CAMK2A: variants seen among roughly 807,000 people sequenced by gnomAD.
CAMK2A encodes the protein calcium/calmodulin dependent protein kinase II alpha, also known as calcium/calmodulin-dependent protein kinase type II subunit alpha.
A neutral mutation model predicts 79.2 loss-of-function variants in CAMK2A; 7 were observed. The observed-to-expected ratio is 0.09, with a 90% CI of 0.05 to 0.17. CAMK2A has a LOEUF of 0.17. Ranked by LOEUF, CAMK2A falls within the 10% of genes least tolerant of loss-of-function variation. The pLI, the probability that CAMK2A is intolerant of heterozygous loss-of-function variation, is 1.00. For synonymous variants in CAMK2A, 242 were observed against 251.7 expected (o/e 0.96, Z 0.36); for missense variants, 214 against 646.4 (o/e 0.33, Z 7.25).
At chr5:150,230,708 C>T (rs1754802383) in intron 16 of CAMK2A, among the ~76,000 whole-genome samples, 2 of 152,366 alleles carry the variant, frequency 1.3e-5, no homozygotes, top group Non-Finnish European at 2.9e-5. Context: ...GCACACACAG[C>T]TGCCCCTCCA....
At chr5:150,234,949 T>A (rs1464389753) in intron 15 of CAMK2A, among the ~76,000 whole-genome samples, 1 of 152,190 alleles carries the variant, frequency 6.6e-6, no homozygotes, top group Non-Finnish European at 1.5e-5. Context: ...CTATGCCTAG[T>A]CTTCTCTTCT....
At chr5:150,222,862 G>A (rs57752704) in intron 18 of CAMK2A, 127 bp downstream of exon 18, 82,069 of 1,381,028 alleles carry the variant, frequency 0.059, 3,309 homozygotes, top group Middle Eastern at 0.15. Context: ...CCCCCTTCTT[G>A]GGGTCTCCCC....
rs201458165 is a variant in CAMK2A, at chr5:150,251,891, A to C, written c.599-47T>G. On this transcript the variant is annotated intron_variant, in intron 8 of 18. Transcript: ENST00000671881. Reference sequence around the variant, plus strand: ...CTTCAACCCCCTGTGGGGAGGAGACATGGGGGGAGGGGAGTGATGGGAAAG... The same window carrying C: ...CTTCAACCCCCTGTGGGGAGGAGACCTGGGGGGAGGGGAGTGATGGGAAAG... The C allele has an allele frequency of 4.0e-5, 62 of 1,545,032 alleles. No individual in the cohort carries two copies. In the African/African-American group the frequency reaches 7.6e-4, roughly 19 times the overall value.
rs1286780677 is a variant in CAMK2A, at chr5:150,258,773, T to C, written c.218-1156A>G. 2.0e-5 allele frequency among the ~76,000 whole-genome samples: 3 copies of C among 152,304 alleles called. No homozygotes were observed. The South Asian group carries it at 6.2e-4, about 32-fold the overall frequency. Reference sequence around the variant, plus strand: ...GAGTCCCCTGAATTGTTTATGGCTGTCGTATTTGCACATAAAATTTGGAGA... The same window carrying C: ...GAGTCCCCTGAATTGTTTATGGCTGCCGTATTTGCACATAAAATTTGGAGA... On this transcript the variant is annotated intron_variant, in intron 3 of 18. Transcript: ENST00000671881.
chr5:150,242,426 A>G (rs1206705205), intron 13 of CAMK2A, among the ~76,000 whole-genome samples: 1 of 152,208 alleles, frequency 6.6e-6, no homozygotes. Context: ...ATAGCTTCAC[A>G]TCTCTGCCAT....
chr5:150,262,486 CT>C (rs1318823953), intron 3 of CAMK2A, among the ~76,000 whole-genome samples: 5 of 152,170 alleles, frequency 3.3e-5, no homozygotes, highest in African/African-American at 1.2e-4. Flanking sequence ...GGATGCTCAG[CT>C]CTGCTTTCCA....
chr5:150,267,487 A>G (rs1202737407), intron 2 of CAMK2A, among the ~76,000 whole-genome samples: 1 of 152,240 alleles, frequency 6.6e-6, no homozygotes, highest in African/African-American at 2.4e-5. Context: ...GTAAACTTGT[A>G]TCTGGTTACC....
At chr5:150,247,098 A>T (rs1755604452) in intron 12 of CAMK2A, among the ~76,000 whole-genome samples, 1 of 152,236 alleles carries the variant, frequency 6.6e-6, no homozygotes, top group Non-Finnish European at 1.5e-5. Flanking sequence ...GCAAAGCCAC[A>T]TGCCTCAGGT....
At chr5:150,275,970 C>T (rs556160395) in intron 1 of CAMK2A, among the ~76,000 whole-genome samples, 141 of 152,296 alleles carry the variant, frequency 9.3e-4, no homozygotes, top group Middle Eastern at 3.4e-3. Flanking sequence ...CTTCTGGCCA[C>T]GGTTTGGTCT....
chr5:150,221,775 GAAA>G lies in CAMK2A; in HGVS notation c.*932_*934del. 1 of 390,686 alleles carries G rather than the reference GAAA, an allele frequency of 2.6e-6. No homozygotes were observed. Among genetic ancestry groups the G allele is most frequent in the East Asian group, 3.6e-5 (1 of 27,936 alleles). The allele number at this position is 390,686 out of a possible 1,614,324, so 24.2% of individuals were successfully genotyped here. ...AAAAAAAAAAAAAAAAACTAGAACAGAAAAAAACTACCCCTCACCCCTCTTCCT... is the reference window on the plus strand; with the variant it reads ...AAAAAAAAAAAAAAAAACTAGAACAGAAAACTACCCCTCACCCCTCTTCCT... On this transcript the variant is annotated 3_prime_UTR_variant, in exon 19 of 19. Transcript: ENST00000671881.
intron 17 of CAMK2A, among the ~76,000 whole-genome samples, chr5:150,227,728 C>T (rs1164966265): frequency 6.6e-6 from 1 of 152,202 alleles, no homozygotes; most frequent in African/African-American, 2.4e-5. Context: ...CTCTGTCCTC[C>T]TCTTTCCCAA....
chr5:150,281,632 G>T (rs939956710), intron 1 of CAMK2A, among the ~76,000 whole-genome samples: 11 of 152,234 alleles, frequency 7.2e-5, no homozygotes, highest in Non-Finnish European at 1.0e-4. Flanking sequence ...GTTAGAGGGG[G>T]TCCGACCTTG....
rs1166800564 is a variant in CAMK2A at position 150,284,260 on chromosome 5, G to A, written c.62+5304C>T. ...TCTTGCTATCCCTGCACTGGGAGAT[G>A]GACTCGTGCTCTATGCCCTGTCACA... On this transcript the variant is annotated intron_variant, in intron 1 of 18. Coordinates refer to ENST00000671881, the MANE Select transcript of CAMK2A (RefSeq NM_015981.4). This position sits in a 1 kb window ranked among gnomAD's most constrained non-coding sequence, Gnocchi z 5.3. 6.6e-6 allele frequency among the ~76,000 whole-genome samples: 1 copy of A among 151,998 alleles called. No homozygotes were observed. The highest frequency in any genetic ancestry group is 1.5e-5 in the Non-Finnish European group (1 of 68,034).
chr5:150,285,484 A>G (rs1231282568), intron 1 of CAMK2A, among the ~76,000 whole-genome samples: 1 of 152,164 alleles, frequency 6.6e-6, no homozygotes, highest in Admixed American at 6.5e-5. Context: ...TGCTAAGCAC[A>G]TTCTACAGAT....
At chr5:150,255,346 G>A (rs1488708806) in intron 6 of CAMK2A, among the ~76,000 whole-genome samples, 1 of 152,248 alleles carries the variant, frequency 6.6e-6, no homozygotes, top group Non-Finnish European at 1.5e-5. Context: ...AGGACAGTCA[G>A]AGAGGGGCAG....
intron 2 of CAMK2A, 185 bp from the exon 3 acceptor site, chr5:150,265,200 G>A (rs1756460051): frequency 1.7e-6 from 1 of 601,412 alleles, no homozygotes; most frequent in African/African-American, 1.9e-5. Flanking sequence ...GAAAGAGGAA[G>A]AGGCCTGGGT....
chr5:150,288,065 T>A (rs554676223), intron 1 of CAMK2A, among the ~76,000 whole-genome samples: 2 of 150,712 alleles, frequency 1.3e-5, no homozygotes, highest in East Asian at 4.0e-4. Flanking sequence ...ATAACACCCA[T>A]ACTCCCACAT....
intron 3 of CAMK2A, among the ~76,000 whole-genome samples, chr5:150,264,549 G>C (rs1156744897): frequency 6.6e-6 from 1 of 152,324 alleles, no homozygotes; most frequent in Admixed American, 6.5e-5. Flanking sequence ...GCTTGACCCT[G>C]TAGGCAGGCA....
In CAMK2A at chr5:150,229,572, A is replaced by AT. The variant is rs370074566; in HGVS notation, c.1143-1287_1143-1286insA. Among the ~76,000 whole-genome samples, 462 of 152,352 alleles carry AT rather than the reference A, an allele frequency of 3.0e-3. 4 individuals are homozygous for AT. Among genetic ancestry groups the AT allele is most frequent in the African/African-American group, 0.01 (432 of 41,588 alleles). ...ACCCCAGAGGTCATGACAAGGGGTC[A>AT]GAACCTAGAGCAGGCTGCAGATGTC... On this transcript the variant is annotated intron_variant, in intron 16 of 18. Transcript: ENST00000671881.
Sources: gnomAD v4.1 joint callset for allele counts (sites outside exome capture counted in the v4.1 genomes callset) on GRCh38, gnomAD v4.1.1 for gene constraint, Gnocchi (gnomAD v3.1) non-coding constraint, MANE v1.5 for transcripts, NCBI Gene and HGNC (gene_info 2026-07-23, HGNC 2026-07-21) for gene names.